Variants in CHST11 observed in about 807,000 individuals in gnomAD.
The protein encoded by CHST11 is carbohydrate sulfotransferase 11, also known as C4S-1.
A neutral mutation model predicts 30.4 loss-of-function variants in CHST11; 9 were observed. The observed-to-expected ratio is 0.30, with a 90% confidence interval of 0.18 to 0.52. CHST11 has a LOEUF of 0.52. Among genes scored for constraint, CHST11 ranks in the 20% least tolerant of loss-of-function variants. The pLI is 0.97. For synonymous variants in CHST11, 152 were observed against 187.8 expected (o/e 0.81, Z 1.56); for missense variants, 348 against 460.6 (o/e 0.76, Z 2.24).
intron 1 of CHST11, chr12:104,553,345 A>G (rs1170094071): frequency 1.3e-5 from 2 of 152,218 alleles, no homozygotes; most frequent in African/African-American, 2.4e-5. Flanking sequence ...AAAGGCAAGT[A>G]GTAATGCCTT....
chr12:104,534,647 A>G (rs777873137), intron 1 of CHST11, among the ~76,000 whole-genome samples: 2 of 152,168 alleles, frequency 1.3e-5, no homozygotes, highest in Non-Finnish European at 2.9e-5. Flanking sequence ...CCAGGAAGGA[A>G]GGATTCATCA....
chr12:104,474,911 G>C (rs1186944267), intron 1 of CHST11, among the ~76,000 whole-genome samples: 1 of 152,202 alleles, frequency 6.6e-6, no homozygotes, highest in Non-Finnish European at 1.5e-5. Context: ...GGGGGTCCCA[G>C]TAAACCCCAC....
intron 2 of CHST11, 143 bp from the exon 3 acceptor site, chr12:104,756,806 C>T: frequency 1.0e-6 from 1 of 973,388 alleles, no homozygotes; most frequent in Non-Finnish European, 1.5e-6. Flanking sequence ...CTCAGCTTCC[C>T]AGAGTGCTGG....
chr12:104,627,750 T>C (rs1261341121), intron 2 of CHST11, among the ~76,000 whole-genome samples: 1 of 152,110 alleles, frequency 6.6e-6, no homozygotes, highest in Admixed American at 6.6e-5. Context: ...TAGGGCTTAT[T>C]TTCAAAGTGT....
intron 2 of CHST11, among the ~76,000 whole-genome samples, chr12:104,697,720 G>A (rs1321645026): frequency 2.0e-5 from 3 of 152,122 alleles, no homozygotes; most frequent in South Asian, 4.1e-4. Context: ...TTTAAAACAA[G>A]GAGCTTGCTC....
At position 104,729,925 on chromosome 12, in the gene CHST11, T is replaced by A. The variant is rs1480861863; in HGVS notation, c.205-27024T>A. Among the ~76,000 whole-genome samples the A allele has an allele frequency of 6.6e-6, 1 of 152,138 alleles. No homozygotes were observed. The highest frequency in any genetic ancestry group is 2.4e-5 in the African/African-American group (1 of 41,426). ...GTGCGTGTCTGGCTGCTGGTTGGTG[T>A]CGGGGTGGTTTTGCACTTTCTGTTT... is the stretch of plus-strand genomic sequence containing the variant. On this transcript the variant is annotated intron_variant, in intron 2 of 2. Coordinates refer to ENST00000303694, the MANE Select transcript of CHST11 (RefSeq NM_018413.6). This position sits in a 1 kb window ranked among gnomAD's most constrained non-coding sequence, Gnocchi z 4.0.
chr12:104,653,733 T>C (rs12582801), intron 2 of CHST11, among the ~76,000 whole-genome samples: 13,680 of 152,212 alleles, frequency 0.09, 768 homozygotes, highest in East Asian at 0.13. Flanking sequence ...AGAAACCTTC[T>C]CCATCAACTT....
chr12:104,587,423 G>A (rs1453801282), intron 1 of CHST11, among the ~76,000 whole-genome samples: 1 of 151,970 alleles, frequency 6.6e-6, no homozygotes, highest in Non-Finnish European at 1.5e-5. Context: ...TTTGAGATAG[G>A]GTCTCAAGCG....
chr12:104,483,962 C>T (rs2037653388), intron 1 of CHST11, among the ~76,000 whole-genome samples: 1 of 152,144 alleles, frequency 6.6e-6, no homozygotes, highest in African/African-American at 2.4e-5. Flanking sequence ...AGGATCTGAA[C>T]CTGGGCCTGC....
chr12:104,726,845 T>C (rs1299144846), intron 2 of CHST11, among the ~76,000 whole-genome samples: 1 of 152,234 alleles, frequency 6.6e-6, no homozygotes, highest in East Asian at 1.9e-4. Context: ...CAAGATCTGA[T>C]ATATCTGAAC....
intron 1 of CHST11, among the ~76,000 whole-genome samples, chr12:104,486,303 GA>G (rs1457965321): frequency 9.6e-5 from 9 of 94,102 alleles, no homozygotes; most frequent in African/African-American, 4.5e-4. Flanking sequence ...AAGTCAGTGT[GA>G]TTTTTTTTTT....
intron 1 of CHST11, among the ~76,000 whole-genome samples, chr12:104,483,929 A>G (rs2037653106): frequency 6.6e-6 from 1 of 152,048 alleles, no homozygotes; most frequent in Non-Finnish European, 1.5e-5. Context: ...CTGCAAGTAG[A>G]GGGTCTGCTG....
intron 2 of CHST11, among the ~76,000 whole-genome samples, chr12:104,684,415 C>T (rs2039826632): frequency 6.6e-6 from 1 of 152,316 alleles, no homozygotes. Context: ...AGCTACTCAG[C>T]TTCTTTGAGC....
At position 104,663,188 on chromosome 12, in the gene CHST11, T is replaced by C. The variant is rs147927989; in HGVS notation, c.204+61197T>C. 4.2e-3 allele frequency among the ~76,000 whole-genome samples: 639 copies of C among 152,364 alleles called. 2 individuals carry two copies. The highest frequency in any genetic ancestry group is 0.027 in the Middle Eastern group (8 of 294). On this transcript the variant is annotated intron_variant, in intron 2 of 2. Coordinates refer to ENST00000303694, the MANE Select transcript of CHST11 (RefSeq NM_018413.6). ...TCCAGAGGCCTGGGCGAGCCCTGTC[T>C]AACCTACTCCATCCTCACCTCCGTG...
At chr12:104,645,275 C>T (rs914288000) in intron 2 of CHST11, among the ~76,000 whole-genome samples, 2 of 152,146 alleles carry the variant, frequency 1.3e-5, no homozygotes, top group African/African-American at 4.8e-5. Context: ...AATAATAGTT[C>T]CCATGGTTGG....
At chr12:104,705,733 C>T (rs2040026766) in intron 2 of CHST11, among the ~76,000 whole-genome samples, 1 of 151,920 alleles carries the variant, frequency 6.6e-6, no homozygotes, top group Admixed American at 6.6e-5. Context: ...ACAGCCTGGC[C>T]AACATGGCGA....
intron 2 of CHST11, among the ~76,000 whole-genome samples, chr12:104,706,915 G>A (rs1036420401): frequency 3.9e-5 from 6 of 152,178 alleles, no homozygotes; most frequent in African/African-American, 1.4e-4. Context: ...GTCGGGAGGA[G>A]GATGGGATCA....
intron 2 of CHST11, among the ~76,000 whole-genome samples, chr12:104,683,013 A>G (rs908279583): frequency 1.3e-5 from 2 of 152,256 alleles, no homozygotes; most frequent in Admixed American, 1.3e-4. Context: ...TTCAAAGACA[A>G]AAGTGAAGCC....
chr12:104,660,637 A>G (rs1267071660), intron 2 of CHST11, among the ~76,000 whole-genome samples: 1 of 152,178 alleles, frequency 6.6e-6, no homozygotes. Flanking sequence ...TGCTCACAGG[A>G]GCCTTGTGAA....
Sources: gnomAD v4.1 joint callset for allele counts (sites outside exome capture counted in the v4.1 genomes callset) on GRCh38, gnomAD v4.1.1 for gene constraint, Gnocchi (gnomAD v3.1) non-coding constraint, MANE v1.5 for transcripts, NCBI Gene and HGNC (gene_info 2026-07-23, HGNC 2026-07-21) for gene names.